PRTG: variants seen among roughly 807,000 people sequenced by gnomAD.
PRTG encodes the protein protogenin, also known as immunoglobulin superfamily, DCC subclass, member 5.
Under a neutral mutation model 122.5 loss-of-function variants are expected in PRTG, and 67 were observed. The observed-to-expected ratio is 0.55, with a 90% CI of 0.45 to 0.67. PRTG has a LOEUF of 0.67. Ranked by LOEUF, PRTG falls within the 30% of genes least tolerant of loss-of-function variation. PRTG has a pLI of 0.00. For missense variants in PRTG, 1,435 were observed against 1,415.4 expected (o/e 1.01, Z -0.22); for synonymous variants, 554 against 501.1 (o/e 1.11, Z -1.41).
At chr15:55,708,214 GA>G (rs1361485266) in intron 2 of PRTG, among the ~76,000 whole-genome samples, 1 of 137,526 alleles carries the variant, frequency 7.3e-6, no homozygotes, top group Admixed American at 7.3e-5. Flanking sequence ...GCGGGAAAGA[GA>G]AAAAAATGGA....
rs918829551 is a variant in PRTG at position 55,619,132 on chromosome 15, G to C, written c.*880C>G. The C allele has an allele frequency of 1.3e-5, 2 of 152,168 alleles. No homozygotes were observed. The highest frequency in any genetic ancestry group is 4.8e-5 in the African/African-American group (2 of 41,436). 9.4% of individuals were successfully genotyped at this position (152,168 alleles called of 1,614,324 possible). A position where few individuals can be genotyped will look rare whatever the true frequency, so the allele number is the denominator to read the frequency against. On this transcript the variant is annotated 3_prime_UTR_variant, in exon 20 of 20. Coordinates refer to ENST00000389286, the MANE Select transcript of PRTG (RefSeq NM_173814.6). ...CTTTGGCCAACCGTCAGGCAAAGGG[G>C]AAGGTAGAAAAGGCACAGTTCTGGG... is the stretch of plus-strand genomic sequence containing the variant.
intron 2 of PRTG, among the ~76,000 whole-genome samples, chr15:55,712,657 AC>A (rs1222711006): frequency 6.6e-6 from 1 of 152,238 alleles, no homozygotes; most frequent in Non-Finnish European, 1.5e-5. Flanking sequence ...AGTGCCAAGT[AC>A]AGATATAGCT....
chr15:55,736,380 CTT>C lies in PRTG; in HGVS notation c.397+4000_397+4001del, dbSNP rs68147473. On this transcript the variant is annotated intron_variant, in intron 2 of 19. Transcript: ENST00000389286. ...TCTTTTCAACGTATCACTTCCCCAT[CTT>C]TTTTTTTTTAACATGACTCTTTATA... is the stretch of plus-strand genomic sequence containing the variant. 2.0e-5 allele frequency among the ~76,000 whole-genome samples: 3 copies of C among 147,598 alleles called. No individual in the cohort carries two copies. In the Admixed American group the frequency reaches 2.0e-4, roughly 10 times the overall value.
At chr15:55,629,948 G>A (rs1302344481) in intron 15 of PRTG, among the ~76,000 whole-genome samples, 1 of 149,184 alleles carries the variant, frequency 6.7e-6, no homozygotes, top group Non-Finnish European at 1.5e-5. Context: ...CACCTGAGTA[G>A]CTGGGACTAC....
chr15:55,722,667 T>C (rs1175312198), intron 2 of PRTG, among the ~76,000 whole-genome samples: 2 of 152,228 alleles, frequency 1.3e-5, no homozygotes, highest in Non-Finnish European at 2.9e-5. Context: ...AGATACCTTA[T>C]TTCCTTATTT....
At chr15:55,638,459 T>C (rs974603641) in intron 14 of PRTG, 90 bp downstream of exon 14, 1 of 942,672 alleles carries the variant, frequency 1.1e-6, no homozygotes. Flanking sequence ...GCAACTAGGG[T>C]AGTATCCTAC....
At chr15:55,661,089 T>C (rs2141771676) in intron 11 of PRTG, among the ~76,000 whole-genome samples, 1 of 152,288 alleles carries the variant, frequency 6.6e-6, no homozygotes, top group South Asian at 2.1e-4. Context: ...CTTTTGATCA[T>C]GCCCATTTCT....
At chr15:55,722,775 T>C (rs1364172928) in intron 2 of PRTG, among the ~76,000 whole-genome samples, 1 of 7,598 alleles carries the variant, frequency 1.3e-4, no homozygotes, top group Non-Finnish European at 3.0e-3. Context: ...ACACCACCAC[T>C]AACAAAATTT....
chr15:55,731,735 T>C (rs972632681), intron 2 of PRTG, among the ~76,000 whole-genome samples: 10 of 152,200 alleles, frequency 6.6e-5, no homozygotes, highest in Non-Finnish European at 8.8e-5. Flanking sequence ...AGTATTAAAA[T>C]ACTAATACAT....
At chr15:55,652,248 T>G (rs185847209) in intron 11 of PRTG, among the ~76,000 whole-genome samples, 1 of 152,206 alleles carries the variant, frequency 6.6e-6, no homozygotes, top group Admixed American at 6.5e-5. Context: ...TATGCTGATA[T>G]AACGTCAGGA....
intron 11 of PRTG, among the ~76,000 whole-genome samples, chr15:55,666,452 C>T (rs955843322): frequency 1.3e-5 from 2 of 152,160 alleles, no homozygotes; most frequent in South Asian, 2.1e-4. Flanking sequence ...AAAATATTTA[C>T]GATCTGTCCC....
At chr15:55,636,114 A>G (rs1357302929) in intron 15 of PRTG, among the ~76,000 whole-genome samples, 1 of 151,882 alleles carries the variant, frequency 6.6e-6, no homozygotes, top group African/African-American at 2.4e-5. Flanking sequence ...TCTGTCTTAA[A>G]AAAAAAAAAA....
chr15:55,684,762 C>T (rs73408332), intron 2 of PRTG, among the ~76,000 whole-genome samples: 13,202 of 152,104 alleles, frequency 0.087, 607 homozygotes, highest in Non-Finnish European at 0.11. Flanking sequence ...TCTTATGCCA[C>T]AGACATATCA....
chr15:55,717,041 C>T (rs2030625927), intron 2 of PRTG, among the ~76,000 whole-genome samples: 1 of 152,172 alleles, frequency 6.6e-6, no homozygotes, highest in Non-Finnish European at 1.5e-5. Context: ...GCCACTAATA[C>T]AAAGGCTTAG....
At chr15:55,643,062 T>C (rs1338890002) in intron 11 of PRTG, among the ~76,000 whole-genome samples, 2 of 151,900 alleles carry the variant, frequency 1.3e-5, no homozygotes, top group Non-Finnish European at 2.9e-5. Flanking sequence ...AACAGAACAA[T>C]GCCCCATCTC....
At chr15:55,665,087 T>C (rs1486122951) in intron 11 of PRTG, among the ~76,000 whole-genome samples, 3 of 151,554 alleles carry the variant, frequency 2.0e-5, no homozygotes, top group East Asian at 2.0e-4. Context: ...TGAAACGTCA[T>C]CTCCACTAAA....
At chr15:55,671,790 C>A (rs1487540456) in intron 11 of PRTG, among the ~76,000 whole-genome samples, 2 of 152,132 alleles carry the variant, frequency 1.3e-5, no homozygotes, top group South Asian at 2.1e-4. Flanking sequence ...CATGAGCCAC[C>A]ACGCCTGGCC....
chr15:55,708,148 T>TTA (rs1555435312), intron 2 of PRTG, among the ~76,000 whole-genome samples: 1 of 70,040 alleles, frequency 1.4e-5, no homozygotes, highest in Non-Finnish European at 2.9e-5. Flanking sequence ...AGTAAGCTGG[T>TTA]AAAAAAAAAA....
At chr15:55,708,147 G>GAAAAAAAA (rs1567109053) in intron 2 of PRTG, among the ~76,000 whole-genome samples, 1 of 27,944 alleles carries the variant, frequency 3.6e-5, no homozygotes, top group African/African-American at 1.7e-4. Context: ...GAGTAAGCTG[G>GAAAAAAAA]TAAAAAAAAA....
Sources: gnomAD v4.1 joint callset for allele counts (sites outside exome capture counted in the v4.1 genomes callset) on GRCh38, gnomAD v4.1.1 for gene constraint, MANE v1.5 for transcripts, NCBI Gene and HGNC (gene_info 2026-07-23, HGNC 2026-07-21) for gene names.